The following ARHGAP24 variants were observed in gnomAD, a reference collection of about 807,000 sequenced individuals.
ARHGAP24 encodes rho GTPase-activating protein 24.
Under a neutral mutation model 76.4 loss-of-function variants are expected in ARHGAP24, and 50 were observed. The observed-to-expected ratio is 0.65, with a 90% CI of 0.52 to 0.83. The LOEUF is 0.83. Among genes scored for constraint, ARHGAP24 ranks in the 40% least tolerant of loss-of-function variants. The pLI is 0.00. For synonymous variants in ARHGAP24, 345 were observed against 323.3 expected (o/e 1.07, Z -0.72); for missense variants, 930 against 914.2 (o/e 1.02, Z -0.22).
intron 3 of ARHGAP24, among the ~76,000 whole-genome samples, chr4:85,725,196 G>A (rs997272702): frequency 3.3e-5 from 5 of 152,160 alleles, no homozygotes; most frequent in Non-Finnish European, 7.4e-5. Flanking sequence ...ACAAGACAAA[G>A]GAGGACTATA....
At chr4:85,915,828 C>T (rs888590133) in intron 3 of ARHGAP24, among the ~76,000 whole-genome samples, 2 of 152,176 alleles carry the variant, frequency 1.3e-5, no homozygotes, top group Non-Finnish European at 1.5e-5. Context: ...CATTGATGGG[C>T]ATTTGGGTTG....
rs913651411 is a variant in ARHGAP24 at position 86,001,635 on chromosome 4, G to A, written c.*913G>A. 4 of 389,178 alleles carry A rather than the reference G, an allele frequency of 1.0e-5. No individual in the cohort carries two copies. Among genetic ancestry groups the A allele is most frequent in the Non-Finnish European group, 1.8e-5 (4 of 220,932 alleles). The allele number at this position is 389,178 out of a possible 1,614,324, so 24.1% of individuals were successfully genotyped here. ...ACAATGCTTGCTAAACCATGCCCACGTGAGCACCTGTCTCCCACTCAAACC... is the reference window on the plus strand; with the variant it reads ...ACAATGCTTGCTAAACCATGCCCACATGAGCACCTGTCTCCCACTCAAACC... On this transcript the variant is annotated 3_prime_UTR_variant, in exon 10 of 10. Transcript: ENST00000395184.
At chr4:85,717,737 C>T (rs556601264) in intron 2 of ARHGAP24, among the ~76,000 whole-genome samples, 4 of 152,212 alleles carry the variant, frequency 2.6e-5, no homozygotes, top group Admixed American at 2.6e-4. Flanking sequence ...AACTAATCAG[C>T]CTGCCCTTAT....
intron 1 of ARHGAP24, among the ~76,000 whole-genome samples, chr4:85,553,890 T>G (rs908062117): frequency 1.3e-5 from 2 of 152,222 alleles, no homozygotes; most frequent in Admixed American, 1.3e-4. Flanking sequence ...GACTTGTTTT[T>G]GTGGTTGTCT....
chr4:85,635,069 C>A (rs904536614), intron 2 of ARHGAP24, among the ~76,000 whole-genome samples: 1 of 151,736 alleles, frequency 6.6e-6, no homozygotes, highest in Non-Finnish European at 1.5e-5. Flanking sequence ...CTACCAAGAC[C>A]AATATATGTT....
chr4:85,856,890 C>G (rs1473015), intron 3 of ARHGAP24, among the ~76,000 whole-genome samples: 72,387 of 151,976 alleles, frequency 0.48, 18,747 homozygotes, highest in East Asian at 0.86. Flanking sequence ...TAGTAACACA[C>G]ATATTTCAAC....
At chr4:85,921,261 C>A (rs1735706867) in intron 3 of ARHGAP24, among the ~76,000 whole-genome samples, 1 of 152,102 alleles carries the variant, frequency 6.6e-6, no homozygotes, top group South Asian at 2.1e-4. Flanking sequence ...GGCCATTATC[C>A]TTAGCAAACT....
chr4:85,568,153 T>C (rs1242372714), intron 1 of ARHGAP24, among the ~76,000 whole-genome samples: 1 of 152,300 alleles, frequency 6.6e-6, no homozygotes. Context: ...ATTTTTTATA[T>C]TATCAATGGT....
chr4:85,816,314 T>C (rs1578256250), intron 3 of ARHGAP24, among the ~76,000 whole-genome samples: 1 of 152,210 alleles, frequency 6.6e-6, no homozygotes, highest in Non-Finnish European at 1.5e-5. Flanking sequence ...CAATTTCCAC[T>C]ACTCCCCAGC....
chr4:85,875,766 G>A (rs1732894258), intron 3 of ARHGAP24, among the ~76,000 whole-genome samples: 1 of 146,720 alleles, frequency 6.8e-6, no homozygotes, highest in African/African-American at 2.5e-5. Context: ...ACAGAATACA[G>A]AATATCGCTC....
chr4:85,972,081 C>A lies in ARHGAP24; in HGVS notation c.645C>A (p.Leu215=), dbSNP rs777505373. ...TGGCATCACTTCTTAAGCTGTACCT[C>A]CGAGAACTTCCAGAACCAGTTATTC... ...HTVASLLKLY[L]RELPEPVIPY... Residue 215 remains leucine (L), a synonymous_variant, in exon 6 of 10, where the codon CTC becomes CTA. Transcript: ENST00000395184. 3.1e-6 allele frequency: 5 copies of A among 1,613,920 alleles called. No individual in the cohort carries two copies. Among genetic ancestry groups the A allele is most frequent in the Non-Finnish European group, 4.2e-6 (5 of 1,179,998 alleles).
At chr4:85,700,448 G>C (rs1351321468) in intron 2 of ARHGAP24, among the ~76,000 whole-genome samples, 1 of 151,032 alleles carries the variant, frequency 6.6e-6, no homozygotes, top group East Asian at 2.0e-4. Context: ...GCCAACAGGA[G>C]TTGCTAATGC....
intron 3 of ARHGAP24, among the ~76,000 whole-genome samples, chr4:85,861,255 C>A (rs572246718): frequency 6.6e-6 from 1 of 152,162 alleles, no homozygotes; most frequent in Admixed American, 6.6e-5. Context: ...AGTTTGTGTA[C>A]TTTTACAATA....
At chr4:85,919,417 T>C (rs188520002) in intron 3 of ARHGAP24, among the ~76,000 whole-genome samples, 1 of 152,332 alleles carries the variant, frequency 6.6e-6, no homozygotes, top group East Asian at 1.9e-4. Context: ...ATCTAGTTCA[T>C]ATCTATAGAA....
intron 3 of ARHGAP24, among the ~76,000 whole-genome samples, chr4:85,743,568 A>AAAAAC (rs944290494): frequency 3.9e-5 from 6 of 152,140 alleles, no homozygotes; most frequent in African/African-American, 9.7e-5. Context: ...ATCCTGTCTC[A>AAAAAC]AAAACAAAAC....
At chr4:85,635,336 G>A (rs1721282463) in intron 2 of ARHGAP24, among the ~76,000 whole-genome samples, 1 of 151,606 alleles carries the variant, frequency 6.6e-6, no homozygotes, top group Admixed American at 6.6e-5. Context: ...CCATTACCTG[G>A]TGATCTAGTT....
chr4:85,911,141 G>A (rs923507400), intron 3 of ARHGAP24, among the ~76,000 whole-genome samples: 31 of 152,184 alleles, frequency 2.0e-4, no homozygotes, highest in Admixed American at 2.0e-4. Context: ...CACCCAGGAG[G>A]GCGGGGCTCC....
At chr4:85,820,691 G>T (rs1246241962) in intron 3 of ARHGAP24, among the ~76,000 whole-genome samples, 1 of 152,234 alleles carries the variant, frequency 6.6e-6, no homozygotes, top group Non-Finnish European at 1.5e-5. Flanking sequence ...CTGAAATACA[G>T]TGACACTGAG....
rs1740968681 is a variant in ARHGAP24 at position 86,000,681 on chromosome 4, C to A, written c.2206C>A (p.Pro736Thr). ...FSTFGELTVEPRRTERGNTIW... is the reference protein window; with the variant it reads ...FSTFGELTVETRRTERGNTIW... ...CACGTTTGGAGAACTGACAGTGGAA[C>A]CCAGGAGAACCGAGAGAGGAAACAC... is the stretch of plus-strand genomic sequence containing the variant. Residue 736 changes from proline (P) to threonine (T), a missense_variant, in exon 10 of 10, where the codon CCC becomes ACC. Physicochemically the swap from Pro to Thr is conservative, Grantham distance 38. Transcript: ENST00000395184. 1 of 1,613,884 alleles carries A rather than the reference C, an allele frequency of 6.2e-7. No individual in the cohort carries two copies. Among genetic ancestry groups the A allele is most frequent in the African/African-American group, 1.3e-5 (1 of 74,986 alleles).
Sources: allele counts gnomAD v4.1 joint callset (sites outside exome capture counted in the v4.1 genomes callset), GRCh38; gene constraint gnomAD v4.1.1; transcripts MANE v1.5; gene names NCBI Gene and HGNC (gene_info 2026-07-23, HGNC 2026-07-21).